The following LRP1B variants were observed in gnomAD, a reference collection of about 807,000 sequenced individuals.
The protein encoded by LRP1B is LDL receptor related protein 1B, also known as low-density lipoprotein receptor-related protein 1B.
A neutral mutation model predicts 556.6 loss-of-function variants in LRP1B; 217 were observed. That is an observed-to-expected ratio of 0.39 (90% CI 0.35 to 0.44). The LOEUF (loss-of-function observed/expected upper bound fraction) is 0.44, where lower values mean the gene tolerates loss of function less well. LRP1B is among the 20% of genes least tolerant of loss of function. The probability of loss-of-function intolerance (pLI) is 1.00; values close to 1 mark genes in which losing one functional copy is unlikely to be tolerated. For synonymous variants in LRP1B, 2,047 were observed against 1,865.8 expected, an observed-to-expected ratio of 1.10 and a Z score of -2.50; for missense variants, 5,053 against 5,620.8, an observed-to-expected ratio of 0.90 and a Z score of 3.23.
intron 2 of LRP1B, among the ~76,000 whole-genome samples, chr2:141,601,137 C>T (rs1311843809): frequency 3.9e-5 from 6 of 152,102 alleles, no homozygotes; most frequent in Non-Finnish European, 7.3e-5. Context: ...CACAATACTG[C>T]AAAAACTCAG....
At position 140,373,037 on chromosome 2, in the gene LRP1B, T is replaced by C. The variant is rs1683061314; in HGVS notation, c.10739A>G (p.Tyr3580Cys). The stretch of plus-strand genomic sequence containing the variant: ...CTCACAGCTTTTCTCATCTTCCCCA[T>C]ATTTGCAGTCTTCATGGCCATCACA... ...WKCDGHEDCKYGEDEKSCEPA... is the reference protein window; with the variant it reads ...WKCDGHEDCKCGEDEKSCEPA... The change falls in exon 69 of 91, where the codon TAT becomes TGT. Residue 3580 changes from tyrosine to cysteine, a missense_variant. Tyr to Cys is a radical substitution (Grantham distance 194). Around this residue, in one of 5 missense-constraint regions of LRP1B, gnomAD observed 599 missense variants for 648.4 expected, o/e 0.92. Coordinates refer to ENST00000389484, the MANE Select transcript of LRP1B (RefSeq NM_018557.3). 5 of 1,613,536 alleles carry C rather than the reference T, an allele frequency of 3.1e-6. No homozygotes were observed. The highest frequency in any genetic ancestry group is 4.2e-6 in the Non-Finnish European group (5 of 1,179,654).
chr2:140,993,337 A>T (rs1697146514), intron 16 of LRP1B, among the ~76,000 whole-genome samples: 1 of 152,076 alleles, frequency 6.6e-6, no homozygotes, highest in African/African-American at 2.4e-5. Context: ...TTCTCAAAAC[A>T]TTATTTAATG....
In LRP1B at chr2:141,068,373, A is replaced by G. The variant is rs989657650; in HGVS notation, c.1014-6100T>C. 4.6e-5 allele frequency among the ~76,000 whole-genome samples: 7 copies of G among 152,026 alleles called. No homozygotes were observed. The East Asian group carries it at 1.2e-3, about 25-fold the overall frequency. ...TCTGGCCCACAACAGAGTGCACAGC[A>G]TTTTATAGACAGGCTTGAGGAGGCG... On this transcript the variant is annotated intron_variant, in intron 7 of 90. Coordinates refer to ENST00000389484, the MANE Select transcript of LRP1B (RefSeq NM_018557.3).
At chr2:141,828,827 G>T (rs997788593) in intron 1 of LRP1B, among the ~76,000 whole-genome samples, 1 of 151,858 alleles carries the variant, frequency 6.6e-6, no homozygotes, top group Non-Finnish European at 1.5e-5. Flanking sequence ...AATAAAAAGG[G>T]ACTTTAAAAA....
chr2:141,940,710 T>A (rs1700771660), intron 1 of LRP1B, among the ~76,000 whole-genome samples: 1 of 152,182 alleles, frequency 6.6e-6, no homozygotes, highest in African/African-American at 2.4e-5. Flanking sequence ...CAGATTCAGT[T>A]CATCACTGGG....
chr2:141,657,767 T>A (rs934027949), intron 2 of LRP1B, among the ~76,000 whole-genome samples: 1 of 152,166 alleles, frequency 6.6e-6, no homozygotes. Flanking sequence ...TCATTGACAG[T>A]TGATCAATCT....
At chr2:140,964,824 G>C (rs921223931) in intron 18 of LRP1B, among the ~76,000 whole-genome samples, 3 of 152,056 alleles carry the variant, frequency 2.0e-5, no homozygotes, top group African/African-American at 7.2e-5. Context: ...CTCGGTGCCT[G>C]GGTGGCTTGC....
chr2:140,296,850 T>C (rs1408405360), intron 84 of LRP1B, among the ~76,000 whole-genome samples: 1 of 151,688 alleles, frequency 6.6e-6, no homozygotes, highest in East Asian at 1.9e-4. Flanking sequence ...CTGACAGAGG[T>C]GGGATCAAAG....
chr2:140,318,778 C>A (rs571187278), intron 82 of LRP1B, among the ~76,000 whole-genome samples: 3 of 152,114 alleles, frequency 2.0e-5, no homozygotes, highest in African/African-American at 7.2e-5. Flanking sequence ...GTTAGACAAT[C>A]AAATGAGCTT....
At chr2:142,018,479 AT>A (rs1187951386) in intron 1 of LRP1B, among the ~76,000 whole-genome samples, 2 of 152,004 alleles carry the variant, frequency 1.3e-5, no homozygotes, top group African/African-American at 2.4e-5. Flanking sequence ...TTTTACTAGG[AT>A]TTTTTGGTGG....
intron 1 of LRP1B, among the ~76,000 whole-genome samples, chr2:141,911,484 C>T (rs1050217476): frequency 1.5e-4 from 23 of 152,280 alleles, no homozygotes; most frequent in African/African-American, 5.5e-4. Flanking sequence ...AAAACCCAGC[C>T]AGTTCCAAAC....
intron 1 of LRP1B, among the ~76,000 whole-genome samples, chr2:142,010,554 C>CAAAAAAAAA (rs33927334): frequency 1.7e-5 from 1 of 60,246 alleles, no homozygotes; most frequent in Non-Finnish European, 3.0e-5. Flanking sequence ...GATTCTGTCT[C>CAAAAAAAAA]AAAAAAAAAA....
intron 3 of LRP1B, among the ~76,000 whole-genome samples, chr2:141,291,128 A>G (rs115808062): frequency 0.015 from 2,351 of 152,282 alleles, 54 homozygotes; most frequent in African/African-American, 0.053. Flanking sequence ...CAACTTTTAG[A>G]TTAGATATTT....
intron 1 of LRP1B, among the ~76,000 whole-genome samples, chr2:141,878,894 G>A (rs755034911): frequency 1.9e-4 from 29 of 151,682 alleles, no homozygotes; most frequent in Non-Finnish European, 4.0e-4. Context: ...ACTCCTAATT[G>A]TCCTAAGGTG....
intron 20 of LRP1B, among the ~76,000 whole-genome samples, chr2:140,942,534 T>A (rs187222371): frequency 1.3e-5 from 2 of 152,084 alleles, no homozygotes; most frequent in African/African-American, 4.8e-5. Flanking sequence ...TAAAGGCAGC[T>A]AGAGACAAAA....
At chr2:140,324,588 T>C (rs1680353854) in intron 80 of LRP1B, among the ~76,000 whole-genome samples, 2 of 152,046 alleles carry the variant, frequency 1.3e-5, no homozygotes, top group South Asian at 4.1e-4. Context: ...AACAGTTAAA[T>C]GAAAATCATT....
chr2:141,367,561 C>T (rs987031597), intron 3 of LRP1B, among the ~76,000 whole-genome samples: 2 of 126,048 alleles, frequency 1.6e-5, no homozygotes, highest in Non-Finnish European at 3.2e-5. Flanking sequence ...CGGCTCATTG[C>T]AAGCTCCGCC....
chr2:141,345,085 G>A (rs1688196530), intron 3 of LRP1B, among the ~76,000 whole-genome samples: 1 of 151,722 alleles, frequency 6.6e-6, no homozygotes, highest in African/African-American at 2.4e-5. Flanking sequence ...GATGCAATGT[G>A]AGGAACACTT....
chr2:141,874,180 G>A (rs1698683303), intron 1 of LRP1B, among the ~76,000 whole-genome samples: 1 of 130,680 alleles, frequency 7.7e-6, no homozygotes, highest in South Asian at 2.4e-4. Context: ...CAGTTCTAAT[G>A]TTAATTGGTT....
Sources: allele counts gnomAD v4.1 joint callset (sites outside exome capture counted in the v4.1 genomes callset), GRCh38; gene constraint gnomAD v4.1.1; regional missense constraint gnomAD v4.1.1; transcripts MANE v1.5; gene names NCBI Gene and HGNC (gene_info 2026-07-23, HGNC 2026-07-21).